The following GABRA2 variants were observed in gnomAD, a reference collection of about 807,000 sequenced individuals.
The protein encoded by GABRA2 is gamma-aminobutyric acid receptor subunit alpha-2.
Under a neutral mutation model 48.7 loss-of-function variants are expected in GABRA2, and 16 were observed. The ratio of observed to expected loss-of-function variants is 0.33; its 90% CI spans 0.22 to 0.50. The LOEUF (loss-of-function observed/expected upper bound fraction) is 0.50. Among genes scored for constraint, GABRA2 ranks in the 20% least tolerant of loss-of-function variants. The probability of loss-of-function intolerance (pLI) is 0.98; values close to 1 mark genes in which losing one functional copy is unlikely to be tolerated. For missense variants in GABRA2, 275 were observed against 535.6 expected (o/e 0.51, Z 4.80); for synonymous variants, 185 against 184.5 (o/e 1.00, Z -0.02).
intron 3 of GABRA2, among the ~76,000 whole-genome samples, chr4:46,378,733 G>A (rs999037225): frequency 6.6e-6 from 1 of 151,968 alleles, no homozygotes; most frequent in African/African-American, 2.4e-5. Context: ...GGACTGAGGT[G>A]GGAGGATCAC....
intron 8 of GABRA2, among the ~76,000 whole-genome samples, chr4:46,291,843 T>G (rs1237924372): frequency 6.6e-6 from 1 of 151,358 alleles, no homozygotes; most frequent in East Asian, 1.9e-4. Flanking sequence ...GTTCTGTCCC[T>G]CTAGAGAACC....
rs1410992303 is a variant in GABRA2, at chr4:46,388,660, AC to A, written c.46del (p.Val16PhefsTer59). The stretch of plus-strand genomic sequence containing the variant: ...CCTGGCAGGGTCCCACACCAAGAAA[AC>A]AAAAAGCAGGAACTGCATGTTGTAG... ...NIYNMQFLLF[V>X]FLVWDPARLV... On this transcript the variant is annotated frameshift_variant, in exon 2 of 10. Transcript: ENST00000381620. LOFTEE classifies it high-confidence loss of function. 1 of 1,614,184 alleles carries A rather than the reference AC, an allele frequency of 6.2e-7. No homozygotes were observed.
intron 4 of GABRA2, among the ~76,000 whole-genome samples, chr4:46,319,962 A>G (rs1729177584): frequency 6.6e-6 from 1 of 151,746 alleles, no homozygotes. Context: ...CAAAAGCAAT[A>G]TTTACTTAAA....
At chr4:46,352,902 G>T (rs768308926) in intron 3 of GABRA2, among the ~76,000 whole-genome samples, 1 of 152,068 alleles carries the variant, frequency 6.6e-6, no homozygotes, top group Non-Finnish European at 1.5e-5. Flanking sequence ...TAAAGGAAAA[G>T]AAATTTCTCT....
intron 8 of GABRA2, among the ~76,000 whole-genome samples, chr4:46,281,419 C>G (rs1279829738): frequency 1.3e-5 from 2 of 151,924 alleles, no homozygotes; most frequent in Non-Finnish European, 2.9e-5. Flanking sequence ...TATTTAGGGG[C>G]TCTGGGAAAA....
intron 8 of GABRA2, among the ~76,000 whole-genome samples, chr4:46,290,949 G>T (rs189076438): frequency 5.9e-5 from 9 of 152,028 alleles, no homozygotes; most frequent in African/African-American, 2.2e-4. Flanking sequence ...ACTGGTCTTG[G>T]TGTATAATCT....
chr4:46,281,926 G>C (rs1221060656), intron 8 of GABRA2, among the ~76,000 whole-genome samples: 1 of 152,108 alleles, frequency 6.6e-6, no homozygotes, highest in Non-Finnish European at 1.5e-5. Context: ...TGCATTCCTG[G>C]AATAATGCTC....
At chr4:46,341,050 T>C (rs1388703960) in intron 3 of GABRA2, among the ~76,000 whole-genome samples, 1 of 152,020 alleles carries the variant, frequency 6.6e-6, no homozygotes, top group Non-Finnish European at 1.5e-5. Flanking sequence ...TTGGTTTTTA[T>C]ATCCTGGGTT....
At chr4:46,274,804 A>G (rs1183228652) in intron 8 of GABRA2, among the ~76,000 whole-genome samples, 1 of 152,112 alleles carries the variant, frequency 6.6e-6, no homozygotes, top group Non-Finnish European at 1.5e-5. Context: ...CAGAGGCCCT[A>G]TGTAGAATCT....
chr4:46,362,176 T>C (rs140806618), intron 3 of GABRA2, among the ~76,000 whole-genome samples: 13 of 152,240 alleles, frequency 8.5e-5, no homozygotes, highest in South Asian at 2.1e-4. Context: ...ATGACATGGT[T>C]TGGCTGTATA....
At chr4:46,303,695 A>T (rs1469368012) in intron 7 of GABRA2, 83 bp from the exon 8 acceptor site, 4 of 1,228,652 alleles carry the variant, frequency 3.3e-6, no homozygotes, top group African/African-American at 1.5e-5. Flanking sequence ...GAGGTAGAAC[A>T]AAAACTGATT....
chr4:46,354,281 T>C (rs1186191377), intron 3 of GABRA2, among the ~76,000 whole-genome samples: 1 of 152,184 alleles, frequency 6.6e-6, no homozygotes, highest in African/African-American at 2.4e-5. Context: ...TGCTGTGACA[T>C]GTTGAAAGTA....
intron 3 of GABRA2, among the ~76,000 whole-genome samples, chr4:46,346,269 C>T (rs551416681): frequency 7.9e-5 from 12 of 151,956 alleles, no homozygotes; most frequent in African/African-American, 1.9e-4. Context: ...CACTAAGGAA[C>T]GCTTGCCTCT....
At chr4:46,322,537 G>T (rs1351572223) in intron 4 of GABRA2, among the ~76,000 whole-genome samples, 1 of 151,868 alleles carries the variant, frequency 6.6e-6, no homozygotes, top group Non-Finnish European at 1.5e-5. Flanking sequence ...TTATCATGCT[G>T]CATTTTACTA....
In GABRA2 at chr4:46,354,839, G is replaced by A. The variant is rs367619624; in HGVS notation, c.188-22157C>T. ...CCTCACTTGTGGTGCCAGCGTATCC[G>A]CTTGCCACTCTTTTTGTACACATTA... On this transcript the variant is annotated intron_variant, in intron 3 of 9. Coordinates refer to ENST00000381620, the MANE Select transcript of GABRA2 (RefSeq NM_000807.4). 2.5e-4 allele frequency among the ~76,000 whole-genome samples: 38 copies of A among 152,182 alleles called. 2 individuals are homozygous for A. Among genetic ancestry groups the A allele is most frequent in the South Asian group, 2.3e-3 (11 of 4,828 alleles).
At chr4:46,290,068 T>C (rs1411049826) in intron 8 of GABRA2, among the ~76,000 whole-genome samples, 2 of 145,516 alleles carry the variant, frequency 1.4e-5, no homozygotes, top group Non-Finnish European at 3.0e-5. Flanking sequence ...CCCGCCACCG[T>C]GCCCGGCTCA....
chr4:46,329,467 C>T (rs1369712221), intron 4 of GABRA2, among the ~76,000 whole-genome samples: 17 of 152,076 alleles, frequency 1.1e-4, no homozygotes, highest in Admixed American at 1.1e-3. Context: ...TATACCCTCA[C>T]ATGTTTCTTC....
chr4:46,255,233 G>A (rs1715574433), intron 9 of GABRA2, among the ~76,000 whole-genome samples: 1 of 151,464 alleles, frequency 6.6e-6, no homozygotes, highest in African/African-American at 2.4e-5. Context: ...TGAGTGGCAT[G>A]TAACTAAAAC....
chr4:46,258,444 C>G (rs1253381244), intron 9 of GABRA2, among the ~76,000 whole-genome samples: 1 of 151,760 alleles, frequency 6.6e-6, no homozygotes, highest in Non-Finnish European at 1.5e-5. Context: ...CTGAGGATGG[C>G]AAATGGGGGG....
Sources: gnomAD v4.1 joint callset for allele counts (sites outside exome capture counted in the v4.1 genomes callset) on GRCh38, gnomAD v4.1.1 for gene constraint, MANE v1.5 for transcripts, NCBI Gene and HGNC (gene_info 2026-07-23, HGNC 2026-07-21) for gene names.